The following MCPH1 variants were observed in gnomAD, a reference collection of about 807,000 sequenced individuals.
The protein encoded by MCPH1 is microcephalin.
A neutral mutation model predicts 84.5 loss-of-function variants in MCPH1; 104 were observed. The observed-to-expected ratio is 1.23, with a 90% confidence interval of 1.05 to 1.45. The LOEUF (loss-of-function observed/expected upper bound fraction) is 1.45. Among genes scored for constraint, MCPH1 ranks in the 40% most tolerant of loss-of-function variants. The pLI, the probability that MCPH1 is intolerant of heterozygous loss-of-function variation, is 0.00. For missense variants in MCPH1, 1,498 were observed against 1,005.7 expected, an observed-to-expected ratio of 1.49 and a Z score of -6.62; for synonymous variants, 514 against 366.8, an observed-to-expected ratio of 1.40 and a Z score of -4.58.
At chr8:6,550,883 G>A (rs934402023) in intron 12 of MCPH1, among the ~76,000 whole-genome samples, 1 of 152,188 alleles carries the variant, frequency 6.6e-6, no homozygotes, top group East Asian at 1.9e-4. Context: ...TCAGCAGCGT[G>A]GTCACCACTG....
intron 9 of MCPH1, among the ~76,000 whole-genome samples, chr8:6,469,484 T>C (rs1231004108): frequency 6.6e-6 from 1 of 152,240 alleles, no homozygotes; most frequent in African/African-American, 2.4e-5. Flanking sequence ...TATTGGATTT[T>C]ATTTTTAAAA....
chr8:6,486,632 C>T lies in MCPH1; in HGVS notation c.2136+5756C>T, dbSNP rs1321918262. On this transcript the variant is annotated intron_variant, in intron 11 of 13. Transcript: ENST00000344683. ...TTTTCCATGTTTACAGCAGTTCACACCTCCAGTGTTAGCGCTACTGTTTTC... is the reference window on the plus strand; with the variant it reads ...TTTTCCATGTTTACAGCAGTTCACATCTCCAGTGTTAGCGCTACTGTTTTC... 3.3e-5 allele frequency among the ~76,000 whole-genome samples: 5 copies of T among 152,250 alleles called. No individual in the cohort carries two copies. The South Asian group carries it at 8.3e-4, about 25-fold the overall frequency.
intron 12 of MCPH1, among the ~76,000 whole-genome samples, chr8:6,515,341 G>C (rs1816046402): frequency 6.6e-6 from 1 of 152,124 alleles, no homozygotes; most frequent in African/African-American, 2.4e-5. Flanking sequence ...CAGATTTTTT[G>C]GTTCACATCT....
intron 5 of MCPH1, among the ~76,000 whole-genome samples, chr8:6,437,260 C>A (rs1276009947): frequency 6.6e-6 from 1 of 151,952 alleles, no homozygotes; most frequent in Non-Finnish European, 1.5e-5. Context: ...GAGATGGAGT[C>A]TTTCTCCATC....
At chr8:6,497,865 G>C (rs776448135) in intron 11 of MCPH1, among the ~76,000 whole-genome samples, 2 of 152,098 alleles carry the variant, frequency 1.3e-5, no homozygotes, top group Non-Finnish European at 2.9e-5. Flanking sequence ...TTTGAACATA[G>C]GTACATTAAG....
intron 9 of MCPH1, among the ~76,000 whole-genome samples, chr8:6,466,869 C>T (rs1475574612): frequency 1.3e-5 from 2 of 152,238 alleles, no homozygotes; most frequent in Admixed American, 6.5e-5. Context: ...AGCCAACGCG[C>T]CCTGCCCTCA....
At chr8:6,451,359 G>A (rs1293254505) in intron 8 of MCPH1, among the ~76,000 whole-genome samples, 1 of 152,200 alleles carries the variant, frequency 6.6e-6, no homozygotes, top group Non-Finnish European at 1.5e-5. Flanking sequence ...TAAACAGTGA[G>A]AGAGGTAAGG....
chr8:6,511,564 C>G (rs80237395), intron 12 of MCPH1, among the ~76,000 whole-genome samples: 13,375 of 152,144 alleles, frequency 0.088, 1,089 homozygotes, highest in African/African-American at 0.21. Context: ...AAAAAAAATC[C>G]CTTACATGCT....
At chr8:6,486,136 A>C (rs956964447) in intron 11 of MCPH1, among the ~76,000 whole-genome samples, 24 of 152,192 alleles carry the variant, frequency 1.6e-4, no homozygotes, top group African/African-American at 5.1e-4. Flanking sequence ...CTTAGCACCC[A>C]CTTTAATATT....
At chr8:6,514,756 C>G in intron 12 of MCPH1, 1 of 1,614,050 alleles carries the variant, frequency 6.2e-7, no homozygotes, top group Middle Eastern at 1.6e-4. Context: ...CCCGCCTCCT[C>G]CAGCTTCCAT....
chr8:6,435,785 A>G (rs950688366), intron 4 of MCPH1, among the ~76,000 whole-genome samples: 4 of 152,210 alleles, frequency 2.6e-5, no homozygotes, highest in African/African-American at 7.2e-5. Flanking sequence ...ACTTTCATGG[A>G]AACTAAGAAT....
At chr8:6,545,684 T>C (rs950089068) in intron 12 of MCPH1, among the ~76,000 whole-genome samples, 1 of 152,226 alleles carries the variant, frequency 6.6e-6, no homozygotes, top group Non-Finnish European at 1.5e-5. Flanking sequence ...TGGTTCCCAT[T>C]AGTCTAAAAA....
intron 12 of MCPH1, among the ~76,000 whole-genome samples, chr8:6,608,573 G>A (rs1829980365): frequency 6.6e-6 from 1 of 152,184 alleles, no homozygotes; most frequent in Admixed American, 6.5e-5. Flanking sequence ...TATTGTTAGA[G>A]ATATGGACCC....
rs1803078766 is a variant in MCPH1 at position 6,438,972 on chromosome 8, C to G, written c.456C>G (p.Leu152=). Reference sequence around the variant, plus strand: ...TTTCAGATGATGATGTACCTATTCTCTTATTTGAATCTAATGGTTCATTAA... The same window carrying G: ...TTTCAGATGATGATGTACCTATTCTGTTATTTGAATCTAATGGTTCATTAA... ...KTNLDDDVPI[L]LFESNGSLIY... The change falls in exon 6 of 14, where the codon CTC becomes CTG. Residue 152 remains leucine (L), a synonymous_variant. Coordinates refer to ENST00000344683, the MANE Select transcript of MCPH1 (RefSeq NM_024596.5). 3.7e-6 allele frequency: 6 copies of G among 1,612,226 alleles called. No individual in the cohort carries two copies. The highest frequency in any genetic ancestry group is 5.1e-6 in the Non-Finnish European group (6 of 1,178,782).
chr8:6,530,930 C>G (rs1349776772), intron 12 of MCPH1, among the ~76,000 whole-genome samples: 2 of 152,192 alleles, frequency 1.3e-5, no homozygotes, highest in African/African-American at 4.8e-5. Context: ...TCTAGCATTT[C>G]TTGATCCTTT....
intron 13 of MCPH1, among the ~76,000 whole-genome samples, chr8:6,637,325 T>G (rs1797628219): frequency 6.6e-6 from 1 of 152,116 alleles, no homozygotes. Flanking sequence ...GTAGGCCCCT[T>G]GCAGGTGAGT....
At chr8:6,548,245 T>A (rs1038626112) in intron 12 of MCPH1, among the ~76,000 whole-genome samples, 2 of 152,152 alleles carry the variant, frequency 1.3e-5, no homozygotes, top group Admixed American at 1.3e-4. Flanking sequence ...TTGTCCAAAA[T>A]GCCTTTCCTG....
intron 1 of MCPH1, 43 bp downstream of exon 1, chr8:6,406,732 G>C (rs767530188): frequency 4.4e-6 from 7 of 1,608,030 alleles, no homozygotes; most frequent in Admixed American, 1.7e-5. Context: ...GGGAGTTTGA[G>C]GACCGGCACC....
intron 12 of MCPH1, among the ~76,000 whole-genome samples, chr8:6,560,826 T>G (rs989369649): frequency 1.3e-5 from 2 of 152,244 alleles, no homozygotes; most frequent in Non-Finnish European, 2.9e-5. Flanking sequence ...TGAGCTTTGC[T>G]TATGGAGTTT....
Sources: gnomAD v4.1 joint callset for allele counts (sites outside exome capture counted in the v4.1 genomes callset) on GRCh38, gnomAD v4.1.1 for gene constraint, MANE v1.5 for transcripts, NCBI Gene and HGNC (gene_info 2026-07-23, HGNC 2026-07-21) for gene names.